The following KIF16B variants were observed in gnomAD, a reference collection of about 807,000 sequenced individuals.
KIF16B encodes the protein kinesin-like protein KIF16B.
Under a neutral mutation model 156.3 loss-of-function variants are expected in KIF16B, and 98 were observed. The ratio of observed to expected loss-of-function variants is 0.63; its 90% CI spans 0.53 to 0.74. The LOEUF is 0.74. Among genes scored for constraint, KIF16B ranks in the 30% least tolerant of loss-of-function variants. KIF16B has a pLI of 0.00. For synonymous variants in KIF16B, 564 were observed against 583.7 expected, an observed-to-expected ratio of 0.97 and a Z score of 0.49; for missense variants, 1,421 against 1,606.5, an observed-to-expected ratio of 0.88 and a Z score of 1.97.
At chr20:16,418,164 G>A (rs981961785) in intron 15 of KIF16B, among the ~76,000 whole-genome samples, 4 of 151,812 alleles carry the variant, frequency 2.6e-5, no homozygotes, top group Non-Finnish European at 5.9e-5. Flanking sequence ...AAATAGATGT[G>A]ATGAGTGAAA....
intron 15 of KIF16B, among the ~76,000 whole-genome samples, chr20:16,415,071 A>G (rs2066053737): frequency 6.6e-6 from 1 of 152,156 alleles, no homozygotes; most frequent in South Asian, 2.1e-4. Context: ...TTATCAGGAC[A>G]CAGCCTCATT....
chr20:16,449,369 T>C (rs1451935517), intron 12 of KIF16B, among the ~76,000 whole-genome samples: 3 of 152,198 alleles, frequency 2.0e-5, no homozygotes, highest in Non-Finnish European at 4.4e-5. Context: ...AATGAAAGAA[T>C]GTCCCTTGGC....
chr20:16,512,945 C>A, intron 4 of KIF16B, 22 bp from the exon 5 acceptor site: 1 of 1,507,962 alleles, frequency 6.6e-7, no homozygotes, highest in Non-Finnish European at 9.2e-7. Context: ...AGACCAATGT[C>A]ACAGCTGTCA....
In KIF16B at chr20:16,379,443, T is replaced by C; in HGVS notation, c.2559A>G (p.Glu853=). Reference sequence around the variant, plus strand: ...CTAGGATCTCCTGTTCTTCTTGGACTTCTTTTTTCAGGATGTCTTTCTGCT... The same window carrying C: ...CTAGGATCTCCTGTTCTTCTTGGACCTCTTTTTTCAGGATGTCTTTCTGCT... ...LVQQKDILKK[E]VQEEQEILEC... is the part of the protein sequence containing the mutation. The change falls in exon 19 of 26, where the codon GAA becomes GAG. Residue 853 remains glutamate, a synonymous_variant. Transcript: ENST00000354981. 1 of 1,613,648 alleles carries C rather than the reference T, an allele frequency of 6.2e-7. No individual in the cohort carries two copies. Among genetic ancestry groups the C allele is most frequent in the Non-Finnish European group, 8.5e-7 (1 of 1,179,922 alleles).
chr20:16,392,153 T>C (rs1046864130), intron 17 of KIF16B, among the ~76,000 whole-genome samples: 2 of 152,234 alleles, frequency 1.3e-5, no homozygotes, highest in African/African-American at 4.8e-5. Flanking sequence ...GCCCTCAGCC[T>C]TTCCGGCCAT....
chr20:16,339,717 T>C (rs6080231), intron 23 of KIF16B, among the ~76,000 whole-genome samples: 4 of 152,246 alleles, frequency 2.6e-5, no homozygotes, highest in Admixed American at 6.5e-5. Flanking sequence ...GGCATCATCC[T>C]TGATGTTTGT....
intron 8 of KIF16B, 43 bp from the exon 9 acceptor site, chr20:16,505,896 A>G: frequency 6.2e-7 from 1 of 1,608,010 alleles, no homozygotes; most frequent in Non-Finnish European, 8.5e-7. Context: ...ACAATTAGTA[A>G]AATTTTTTTT....
chr20:16,315,193 T>C (rs887965831), intron 24 of KIF16B, among the ~76,000 whole-genome samples: 1 of 152,158 alleles, frequency 6.6e-6, no homozygotes, highest in Non-Finnish European at 1.5e-5. Context: ...CAGACCCAGA[T>C]GGAGGAAGCA....
chr20:16,359,430 G>C (rs1371387901), intron 22 of KIF16B, among the ~76,000 whole-genome samples: 1 of 152,088 alleles, frequency 6.6e-6, no homozygotes, highest in Admixed American at 6.5e-5. Flanking sequence ...TCTTCCTGAG[G>C]CTTCCCCAGA....
intron 25 of KIF16B, among the ~76,000 whole-genome samples, chr20:16,306,309 C>A (rs904587538): frequency 6.6e-6 from 1 of 152,044 alleles, no homozygotes; most frequent in Non-Finnish European, 1.5e-5. Context: ...CCAAGTCAGC[C>A]GGGGACTTCA....
chr20:16,422,868 C>T (rs2066259858), intron 15 of KIF16B, among the ~76,000 whole-genome samples: 2 of 151,950 alleles, frequency 1.3e-5, no homozygotes, highest in South Asian at 4.1e-4. Context: ...TACATTTTAG[C>T]ACAACAAAAC....
chr20:16,496,267 C>T (rs1568604174), intron 11 of KIF16B, among the ~76,000 whole-genome samples: 1 of 152,186 alleles, frequency 6.6e-6, no homozygotes, highest in Non-Finnish European at 1.5e-5. Flanking sequence ...TATGTGAGAA[C>T]ACAAAGCATC....
chr20:16,442,334 A>ATGTGTGTGTGTG (rs148957905), intron 12 of KIF16B, among the ~76,000 whole-genome samples: 3,042 of 145,072 alleles, frequency 0.021, 71 homozygotes, highest in African/African-American at 0.063. Context: ...CCATTTCACA[A>ATGTGTGTGTGTG]TGTGTGTGTG....
At chr20:16,421,244 A>G (rs963031213) in intron 15 of KIF16B, among the ~76,000 whole-genome samples, 60 of 152,326 alleles carry the variant, frequency 3.9e-4, no homozygotes, top group African/African-American at 1.4e-3. Context: ...CAGATTTCAA[A>G]GAATAAAAAT....
chr20:16,427,219 C>A lies in KIF16B; in HGVS notation c.1497G>T (p.Glu499Asp). Residue 499 changes from glutamate (E) to aspartate (D), a missense_variant, in exon 15 of 26, where the codon GAG (glutamate) becomes GAT (aspartate). Transcript: ENST00000354981. ...QDIVLHGLDL[E>D]SEHCIFENIG... Reference sequence around the variant, plus strand: ...TATTTTCAAAGATGCAATGCTCACTCTCCAAGTCAAGGCCATGAAGAACTA... The same window carrying A: ...TATTTTCAAAGATGCAATGCTCACTATCCAAGTCAAGGCCATGAAGAACTA... 6.2e-7 allele frequency: 1 copy of A among 1,612,076 alleles called. No individual in the cohort carries two copies. The highest frequency in any genetic ancestry group is 2.2e-5 in the East Asian group (1 of 44,786).
At chr20:16,301,811 G>T (rs1020013436) in intron 25 of KIF16B, among the ~76,000 whole-genome samples, 9 of 151,884 alleles carry the variant, frequency 5.9e-5, no homozygotes, top group African/African-American at 1.9e-4. Flanking sequence ...CACTACACCC[G>T]GCTAATTTTT....
In KIF16B at chr20:16,429,927, A is replaced by G; in HGVS notation, c.1358T>C (p.Leu453Pro). ...ATCATCGATGCCAATCAAATGAGGCAGTTCAGAATCCAAAACAACTCCAAT... is the reference window on the plus strand; with the variant it reads ...ATCATCGATGCCAATCAAATGAGGCGGTTCAGAATCCAAAACAACTCCAAT... Reference protein sequence around the residue: ...EGIGVVLDSELPHLIGIDDDL... With the variant: ...EGIGVVLDSEPPHLIGIDDDL... Residue 453 changes from leucine (L) to proline (P), a missense_variant, in exon 13 of 26, where the codon CTG (leucine) becomes CCG (proline). Coordinates refer to ENST00000354981, the MANE Select transcript of KIF16B (RefSeq NM_024704.5). The G allele has an allele frequency of 1.2e-6, 2 of 1,613,002 alleles. No homozygotes were observed. The highest frequency in any genetic ancestry group is 1.7e-6 in the Non-Finnish European group (2 of 1,179,296).
At chr20:16,400,746 A>C (rs558991200) in intron 17 of KIF16B, among the ~76,000 whole-genome samples, 129 of 152,368 alleles carry the variant, frequency 8.5e-4, no homozygotes, top group African/African-American at 3.1e-3. Context: ...CATTATGCTA[A>C]GTGAAATAAG....
intron 1 of KIF16B, among the ~76,000 whole-genome samples, chr20:16,561,495 C>A (rs2071061168): frequency 6.6e-6 from 1 of 151,988 alleles, no homozygotes; most frequent in Admixed American, 6.6e-5. Flanking sequence ...TTCTTATATT[C>A]ACAATAACTT....
Sources: allele counts gnomAD v4.1 joint callset (sites outside exome capture counted in the v4.1 genomes callset), GRCh38; gene constraint gnomAD v4.1.1; transcripts MANE v1.5; gene names NCBI Gene and HGNC (gene_info 2026-07-23, HGNC 2026-07-21).